HPSE2: variants seen among roughly 807,000 people sequenced by gnomAD.
The protein encoded by HPSE2 is heparanase 2 (inactive).
HPSE2 carries 38 observed loss-of-function variants against 60.5 expected under a neutral mutation model. That is an observed-to-expected ratio of 0.63 (90% CI 0.48 to 0.82). HPSE2 has a LOEUF of 0.82. Among genes scored for constraint, HPSE2 ranks in the 40% least tolerant of loss-of-function variants. HPSE2 has a pLI of 0.00. For missense variants in HPSE2, 713 were observed against 740.4 expected (o/e 0.96, Z 0.43); for synonymous variants, 295 against 293.2 (o/e 1.01, Z -0.06).
In HPSE2 at chr10:98,790,208, A is replaced by G. The variant is rs543737830; in HGVS notation, c.611-46152T>C. 3.3e-5 allele frequency among the ~76,000 whole-genome samples: 5 copies of G among 152,328 alleles called. 1 individual carries two copies. The South Asian group carries it at 1.0e-3, about 32-fold the overall frequency. On this transcript the variant is annotated intron_variant, in intron 3 of 11. Transcript: ENST00000370552. ...ATATTCCATTGTGTATATGTGCCAC[A>G]TTTTATTTATTCATTCCTTGATAGA... is the stretch of plus-strand genomic sequence containing the variant.
At chr10:98,722,193 T>A (rs113784801) in intron 4 of HPSE2, among the ~76,000 whole-genome samples, 1 of 149,062 alleles carries the variant, frequency 6.7e-6, no homozygotes, top group African/African-American at 2.5e-5. Flanking sequence ...TCTGAAGATA[T>A]AATTAGTTAT....
chr10:99,254,916 G>A, the HPSE2 span, among the ~76,000 whole-genome samples: 1 of 152,186 alleles, frequency 6.6e-6, no homozygotes, highest in Non-Finnish European at 1.5e-5. Context: ...TTGGGAAGAA[G>A]TTAATGAGGA....
intron 9 of HPSE2, among the ~76,000 whole-genome samples, chr10:98,599,121 GA>G: frequency 6.6e-6 from 1 of 152,138 alleles, no homozygotes; most frequent in African/African-American, 2.4e-5. Context: ...TGGGGCCACA[GA>G]GATTGACCTG....
intron 6 of HPSE2, among the ~76,000 whole-genome samples, chr10:98,676,184 T>C (rs901176117): frequency 3.9e-5 from 6 of 152,186 alleles, no homozygotes; most frequent in Non-Finnish European, 5.9e-5. Flanking sequence ...TTGGGAAGCG[T>C]TAATGAGTGG....
intron 9 of HPSE2, among the ~76,000 whole-genome samples, chr10:98,610,373 T>TA (rs1283094365): frequency 1.3e-5 from 2 of 152,174 alleles, no homozygotes; most frequent in Non-Finnish European, 2.9e-5. Flanking sequence ...CAGTAAGAGT[T>TA]AGAGTTTCCT....
At chr10:99,192,195 A>G (rs1223175945) in intron 2 of HPSE2, among the ~76,000 whole-genome samples, 2 of 152,238 alleles carry the variant, frequency 1.3e-5, no homozygotes, top group Non-Finnish European at 2.9e-5. Context: ...CAAAGGGATA[A>G]TATCAGAAAA....
intron 3 of HPSE2, among the ~76,000 whole-genome samples, chr10:98,811,200 T>A (rs1348643305): frequency 2.6e-5 from 4 of 152,116 alleles, no homozygotes; most frequent in Admixed American, 6.6e-5. Flanking sequence ...CAAATGCTAC[T>A]TTGTCAAGAA....
intron 2 of HPSE2, among the ~76,000 whole-genome samples, chr10:99,208,614 G>C (rs1201029051): frequency 6.6e-5 from 10 of 151,868 alleles, no homozygotes; most frequent in Non-Finnish European, 1.2e-4. Flanking sequence ...CAACCCAGCA[G>C]GTCGAGGCTG....
intron 9 of HPSE2, among the ~76,000 whole-genome samples, chr10:98,522,855 C>T (rs1942843350): frequency 6.6e-6 from 1 of 152,186 alleles, no homozygotes; most frequent in East Asian, 1.9e-4. Flanking sequence ...TATCCTGAGT[C>T]TTGCAGATAG....
At chr10:99,001,659 T>C (rs1201469327) in intron 3 of HPSE2, among the ~76,000 whole-genome samples, 3 of 152,152 alleles carry the variant, frequency 2.0e-5, no homozygotes, top group Non-Finnish European at 4.4e-5. Context: ...GAAACTGTAA[T>C]GGCCAAAGGA....
intron 3 of HPSE2, among the ~76,000 whole-genome samples, chr10:98,996,748 G>A (rs1956649763): frequency 6.6e-6 from 1 of 152,176 alleles, no homozygotes; most frequent in African/African-American, 2.4e-5. Flanking sequence ...TATGCCAAGT[G>A]AAAGAAGCCA....
intron 9 of HPSE2, among the ~76,000 whole-genome samples, chr10:98,561,849 A>AAAAC (rs143822075): frequency 6.6e-6 from 1 of 151,210 alleles, no homozygotes; most frequent in African/African-American, 2.4e-5. Context: ...CTCAGTCTCA[A>AAAAC]AAACAAACAA....
chr10:98,767,688 T>C (rs905440110), intron 3 of HPSE2, among the ~76,000 whole-genome samples: 9 of 145,736 alleles, frequency 6.2e-5, no homozygotes, highest in African/African-American at 1.5e-4. Context: ...ATTATATCAA[T>C]ATTTTTATAC....
intron 7 of HPSE2, among the ~76,000 whole-genome samples, chr10:98,625,486 A>T (rs776490383): frequency 2.0e-5 from 3 of 152,192 alleles, no homozygotes; most frequent in Non-Finnish European, 2.9e-5. Flanking sequence ...TACCAGAAGG[A>T]TTTTATGTGT....
At chr10:99,103,132 G>A (rs1437269165) in intron 3 of HPSE2, among the ~76,000 whole-genome samples, 1 of 152,182 alleles carries the variant, frequency 6.6e-6, no homozygotes, top group Non-Finnish European at 1.5e-5. Context: ...GTTCTGGCCA[G>A]GGCAATTAGG....
intron 3 of HPSE2, among the ~76,000 whole-genome samples, chr10:98,930,390 G>A (rs1170256341): frequency 6.9e-6 from 1 of 144,352 alleles, no homozygotes; most frequent in Admixed American, 6.9e-5. Context: ...TATCATTGAT[G>A]AGCATTTGGG....
chr10:99,209,169 T>A (rs1848868563), intron 2 of HPSE2, among the ~76,000 whole-genome samples: 1 of 152,086 alleles, frequency 6.6e-6, no homozygotes, highest in South Asian at 2.1e-4. Context: ...AAACATTCCA[T>A]CCAACAGCAG....
At chr10:98,803,426 G>A (rs1405608595) in intron 3 of HPSE2, among the ~76,000 whole-genome samples, 5 of 151,196 alleles carry the variant, frequency 3.3e-5, no homozygotes, top group African/African-American at 7.3e-5. Context: ...TAATGCCTAG[G>A]TTTTCTTCTA....
chr10:98,613,606 G>A (rs577486816), intron 9 of HPSE2, among the ~76,000 whole-genome samples: 1 of 152,318 alleles, frequency 6.6e-6, no homozygotes, highest in South Asian at 2.1e-4. Flanking sequence ...GCAGAGAGAG[G>A]CAAGTGGTAG....
Sources: allele counts gnomAD v4.1 joint callset (sites outside exome capture counted in the v4.1 genomes callset), GRCh38; gene constraint gnomAD v4.1.1; transcripts MANE v1.5; gene names NCBI Gene and HGNC (gene_info 2026-07-23, HGNC 2026-07-21).